DNAH11: variants seen among roughly 807,000 people sequenced by gnomAD.
DNAH11 encodes the protein axonemal beta dynein heavy chain 11.
In DNAH11, 442 loss-of-function variants were observed where a neutral mutation model predicts 526.0. That is an observed-to-expected ratio of 0.84 (90% CI 0.78 to 0.91). DNAH11 has a LOEUF of 0.91. Ranked by LOEUF, DNAH11 falls within the 40% of genes least tolerant of loss-of-function variation. The probability of loss-of-function intolerance (pLI) is 0.00; values close to 1 mark genes in which losing one functional copy is unlikely to be tolerated. For synonymous variants in DNAH11, 2,461 were observed against 1,935.9 expected (o/e 1.27, Z -7.12); for missense variants, 6,989 against 5,448.7 (o/e 1.28, Z -8.90).
At chr7:21,661,846 T>A (rs1001927694) in intron 30 of DNAH11, among the ~76,000 whole-genome samples, 3 of 151,844 alleles carry the variant, frequency 2.0e-5, no homozygotes, top group Non-Finnish European at 4.4e-5. Flanking sequence ...TGAGATGGAG[T>A]TTCGCTCCTG....
At chr7:21,805,793 A>T (rs1789238895) in intron 62 of DNAH11, among the ~76,000 whole-genome samples, 1 of 152,162 alleles carries the variant, frequency 6.6e-6, no homozygotes, top group African/African-American at 2.4e-5. Flanking sequence ...ACTAAGGAAA[A>T]ATATATATTT....
chr7:21,821,101 G>T (rs996084502), intron 65 of DNAH11, among the ~76,000 whole-genome samples: 1 of 152,068 alleles, frequency 6.6e-6, no homozygotes, highest in African/African-American at 2.4e-5. Flanking sequence ...ATATTATGGT[G>T]GGGAAAAAGG....
intron 2 of DNAH11, among the ~76,000 whole-genome samples, chr7:21,545,411 A>C (rs1177790617): frequency 1.3e-5 from 2 of 151,890 alleles, no homozygotes; most frequent in African/African-American, 2.4e-5. Context: ...AATTGCAGGG[A>C]TCATTCTCTC....
intron 76 of DNAH11, among the ~76,000 whole-genome samples, chr7:21,891,647 C>T (rs1178233502): frequency 6.6e-6 from 1 of 152,144 alleles, no homozygotes; most frequent in African/African-American, 2.4e-5. Flanking sequence ...AATTGAATGT[C>T]TACCCTCTTG....
At chr7:21,803,683 A>C (rs1789107556) in intron 62 of DNAH11, among the ~76,000 whole-genome samples, 1 of 151,740 alleles carries the variant, frequency 6.6e-6, no homozygotes, top group Non-Finnish European at 1.5e-5. Flanking sequence ...GGCTATCATC[A>C]TTGAAGTCTG....
chr7:21,741,538 G>T (rs904542390), intron 48 of DNAH11, among the ~76,000 whole-genome samples: 1 of 152,230 alleles, frequency 6.6e-6, no homozygotes, highest in Non-Finnish European at 1.5e-5. Flanking sequence ...ACTGAGCTCA[G>T]TGACTGCTGA....
At position 21,617,644 on chromosome 7, in the gene DNAH11, T is replaced by C; in HGVS notation, c.4121T>C (p.Val1374Ala). 1 of 1,613,866 alleles carries C rather than the reference T, an allele frequency of 6.2e-7. No homozygotes were observed. The highest frequency in any genetic ancestry group is 1.1e-5 in the South Asian group (1 of 91,090). The change falls in exon 23 of 82, where the codon GTC (valine) becomes GCC (alanine). Residue 1374 changes from valine to alanine, a missense_variant. Transcript: ENST00000409508. ...AKEIWSLNKE[V>A]RVWDAYTGLE... ...GAAATTTGGTCACTCAACAAGGAAG[T>C]CCGCGTCTGGGATGCTTACACGGGC...
intron 45 of DNAH11, among the ~76,000 whole-genome samples, chr7:21,734,438 A>G (rs996174765): frequency 1.3e-5 from 2 of 152,254 alleles, no homozygotes; most frequent in Admixed American, 1.3e-4. Flanking sequence ...ATATTTTTTA[A>G]AGAGTTGTCT....
Position 21,687,093 on chromosome 7 carries a change from T to C in DNAH11, c.5622-6T>C. On this transcript the variant is annotated splice_region_variant and splice_polypyrimidine_tract_variant and intron_variant, in intron 32 of 81. Coordinates refer to ENST00000409508, the MANE Select transcript of DNAH11 (RefSeq NM_001277115.2). Reference sequence around the variant, plus strand: ...CTGTGATGTTTGTGTTTTCTATTGCTTAAAGGTGTTATATTACCTTAACTC... The same window carrying C: ...CTGTGATGTTTGTGTTTTCTATTGCCTAAAGGTGTTATATTACCTTAACTC... The C allele has an allele frequency of 1.2e-6, 2 of 1,611,394 alleles. No individual in the cohort carries two copies. Among genetic ancestry groups the C allele is most frequent in the Non-Finnish European group, 8.5e-7 (1 of 1,178,946 alleles).
Position 21,892,416 on chromosome 7 carries a change from T to G in DNAH11, c.12508-9T>G. On this transcript the variant is annotated splice_polypyrimidine_tract_variant and intron_variant, in intron 76 of 81. Coordinates refer to ENST00000409508, the MANE Select transcript of DNAH11 (RefSeq NM_001277115.2). The stretch of plus-strand genomic sequence containing the variant: ...TTTGGAATAACTGACTTTTCCTTTG[T>G]GGTTCAAGACTGAAGATGAACTGAT... 1.9e-6 allele frequency: 3 copies of G among 1,596,308 alleles called. No homozygotes were observed. Among genetic ancestry groups the G allele is most frequent in the Non-Finnish European group, 2.6e-6 (3 of 1,168,124 alleles).
At chr7:21,572,069 C>T (rs1651142600) in intron 8 of DNAH11, 96 bp downstream of exon 8, 2 of 1,103,194 alleles carry the variant, frequency 1.8e-6, no homozygotes, top group African/African-American at 1.6e-5. Flanking sequence ...ACCATCCATT[C>T]CAATATCTCT....
chr7:21,551,241 G>A (rs532002315), intron 2 of DNAH11, among the ~76,000 whole-genome samples: 5 of 152,258 alleles, frequency 3.3e-5, no homozygotes, highest in African/African-American at 9.6e-5. Flanking sequence ...CCTTAGGGAC[G>A]TCTGGGATCA....
At chr7:21,821,850 T>C (rs1790064237) in intron 65 of DNAH11, among the ~76,000 whole-genome samples, 1 of 152,112 alleles carries the variant, frequency 6.6e-6, no homozygotes, top group African/African-American at 2.4e-5. Flanking sequence ...TTCCTTATCT[T>C]CCACCTCCCC....
At chr7:21,609,983 G>A (rs145166293) in intron 20 of DNAH11, among the ~76,000 whole-genome samples, 44 of 152,186 alleles carry the variant, frequency 2.9e-4, no homozygotes, top group African/African-American at 1.0e-3. Context: ...GGCCGGGCGC[G>A]GTGGCTCACG....
At chr7:21,859,202 C>T (rs1782964595) in intron 68 of DNAH11, among the ~76,000 whole-genome samples, 1 of 152,136 alleles carries the variant, frequency 6.6e-6, no homozygotes, top group African/African-American at 2.4e-5. Context: ...CAATCTCCAC[C>T]TCCCAGGTTG....
intron 45 of DNAH11, among the ~76,000 whole-genome samples, chr7:21,732,962 G>A (rs573448072): frequency 2.0e-5 from 3 of 152,240 alleles, no homozygotes; most frequent in African/African-American, 7.2e-5. Flanking sequence ...GGCCTGGGCA[G>A]TGGGGCTGCC....
chr7:21,841,145 T>C (rs1180074354), intron 65 of DNAH11, among the ~76,000 whole-genome samples: 1 of 152,086 alleles, frequency 6.6e-6, no homozygotes, highest in Non-Finnish European at 1.5e-5. Flanking sequence ...AATTGTACCA[T>C]TGCATTTCAG....
chr7:21,621,283 C>A (rs545721680), intron 25 of DNAH11, among the ~76,000 whole-genome samples: 1 of 152,208 alleles, frequency 6.6e-6, no homozygotes, highest in African/African-American at 2.4e-5. Context: ...AAGAAGTTGA[C>A]TCTCTGAATA....
intron 66 of DNAH11, among the ~76,000 whole-genome samples, chr7:21,843,245 G>T (rs147665668): frequency 1.0e-3 from 158 of 152,124 alleles, no homozygotes; most frequent in African/African-American, 3.6e-3. Context: ...TTAAAATGTA[G>T]AAGAAAGGCA....
Sources: allele counts gnomAD v4.1 joint callset (sites outside exome capture counted in the v4.1 genomes callset), GRCh38; gene constraint gnomAD v4.1.1; transcripts MANE v1.5; gene names NCBI Gene and HGNC (gene_info 2026-07-23, HGNC 2026-07-21).